ETV1: variants seen among roughly 807,000 people sequenced by gnomAD.
ETV1 encodes the protein ETS variant transcription factor 1.
ETV1 carries 27 observed loss-of-function variants against 62.3 expected under a neutral mutation model. That is an observed-to-expected ratio of 0.43 (90% CI 0.32 to 0.60). The LOEUF is 0.60. Ranked by LOEUF, ETV1 falls within the 20% of genes least tolerant of loss-of-function variation. The pLI, the probability that ETV1 is intolerant of heterozygous loss-of-function variation, is 0.06. For missense variants in ETV1, 605 were observed against 605.8 expected (o/e 1.00, Z 0.01); for synonymous variants, 222 against 199.6 (o/e 1.11, Z -0.94).
chr7:13,908,443 A>G (rs113628256), intron 11 of ETV1, among the ~76,000 whole-genome samples: 6 of 152,186 alleles, frequency 3.9e-5, no homozygotes, highest in African/African-American at 1.2e-4. Context: ...AAGAGGCTTT[A>G]TATACTTTGT....
intron 6 of ETV1, among the ~76,000 whole-genome samples, chr7:13,956,228 A>T (rs1175773508): frequency 1.3e-5 from 2 of 152,186 alleles, no homozygotes; most frequent in African/African-American, 2.4e-5. Context: ...CACCCTATTT[A>T]TAATAATCCA....
chr7:13,916,930 CAAA>C (rs112923173), intron 9 of ETV1, among the ~76,000 whole-genome samples: 5 of 129,312 alleles, frequency 3.9e-5, no homozygotes, highest in Admixed American at 7.8e-5. Context: ...AGACCTTGTC[CAAA>C]AAAAAAAAAA....
chr7:13,975,798 A>G (rs189481782), intron 6 of ETV1, among the ~76,000 whole-genome samples: 31 of 152,288 alleles, frequency 2.0e-4, no homozygotes, highest in African/African-American at 6.7e-4. Flanking sequence ...AAAGAGGTCA[A>G]ATAAGAAAAG....
intron 3 of ETV1, 69 bp from the exon 4 acceptor site, chr7:13,988,242 GCA>G (rs59844225): frequency 4.4e-3 from 3,085 of 707,614 alleles, no homozygotes; most frequent in South Asian, 7.4e-3. Flanking sequence ...ACACGCGCGC[GCA>G]CACACACACA....
intron 6 of ETV1, among the ~76,000 whole-genome samples, chr7:13,964,464 A>G (rs963027845): frequency 2.6e-5 from 4 of 152,126 alleles, no homozygotes; most frequent in African/African-American, 9.7e-5. Flanking sequence ...CATATTTCTA[A>G]TCAAAATTTA....
rs1473266296 is a variant in ETV1, at chr7:13,989,629, A to G, written c.-351T>C. On this transcript the variant is annotated 5_prime_UTR_variant, in exon 1 of 14. Transcript: ENST00000430479. The stretch of plus-strand genomic sequence containing the variant: ...CAAATTTAATAAAAACATTAATTAT[A>G]GCCCAGCACTTCCCCCTTGGAAGCC... 1.0e-5 allele frequency: 4 copies of G among 398,992 alleles called. No individual in the cohort carries two copies. The highest frequency in any genetic ancestry group is 1.8e-5 in the Non-Finnish European group (4 of 226,120). The allele number at this position is 398,992 out of a possible 1,614,324, so 24.7% of individuals were successfully genotyped here.
chr7:13,988,596 AAAAAAAAAAAAAAGAGAAAATGAG>A, intron 3 of ETV1: 3 of 280,868 alleles, frequency 1.1e-5, no homozygotes, highest in Non-Finnish European at 1.3e-5. Flanking sequence ...TAGAGAAATG[AAAAAAAAAAAAAAGAGAAAATGAG>A]AAAAAAAAAA....
chr7:13,911,376 G>A, intron 9 of ETV1, 69 bp from the exon 10 acceptor site: 1 of 1,040,480 alleles, frequency 9.6e-7, no homozygotes, highest in Non-Finnish European at 1.5e-6. Flanking sequence ...AATGGACAGG[G>A]TGCAGACAGA....
chr7:13,950,019 C>T (rs996196755), intron 6 of ETV1, among the ~76,000 whole-genome samples: 12 of 152,108 alleles, frequency 7.9e-5, no homozygotes, highest in African/African-American at 2.9e-4. Context: ...TTCGGCAACA[C>T]AGGGGAAAAG....
chr7:13,910,197 T>A (rs1349130224), intron 10 of ETV1, among the ~76,000 whole-genome samples: 1 of 150,430 alleles, frequency 6.6e-6, no homozygotes, highest in Non-Finnish European at 1.5e-5. Flanking sequence ...CTGTACTCAA[T>A]TAGCAAGATA....
chr7:13,904,067 A>C (rs1400555120), intron 12 of ETV1, among the ~76,000 whole-genome samples: 1 of 152,202 alleles, frequency 6.6e-6, no homozygotes, highest in Non-Finnish European at 1.5e-5. Context: ...GCTGCTAGGC[A>C]GTAGAGGGAA....
intron 12 of ETV1, among the ~76,000 whole-genome samples, chr7:13,904,983 G>C (rs1348019250): frequency 6.7e-6 from 1 of 148,522 alleles, no homozygotes; most frequent in Non-Finnish European, 1.5e-5. Context: ...TTCAAATACT[G>C]ACATTGAGTC....
At chr7:13,904,670 A>G (rs1317550816) in intron 12 of ETV1, among the ~76,000 whole-genome samples, 1 of 152,088 alleles carries the variant, frequency 6.6e-6, no homozygotes, top group Non-Finnish European at 1.5e-5. Flanking sequence ...AAGGGAAATA[A>G]CTGTTTAACT....
chr7:13,940,766 T>G (rs1420658252), intron 6 of ETV1, among the ~76,000 whole-genome samples: 4 of 152,242 alleles, frequency 2.6e-5, no homozygotes, highest in Admixed American at 1.3e-4. Context: ...TTAGCTTGAA[T>G]GTTATATATA....
chr7:13,937,213 G>A (rs1029322222), intron 7 of ETV1, among the ~76,000 whole-genome samples: 2 of 152,204 alleles, frequency 1.3e-5, no homozygotes, highest in Non-Finnish European at 2.9e-5. Flanking sequence ...AGGAATATAT[G>A]CTGCACAAGG....
At chr7:13,964,988 C>G (rs1790613775) in intron 6 of ETV1, among the ~76,000 whole-genome samples, 7 of 152,022 alleles carry the variant, frequency 4.6e-5, no homozygotes, top group Admixed American at 4.6e-4. Flanking sequence ...ATATTTACTA[C>G]TATAATGGGA....
At chr7:13,949,703 G>C (rs964732347) in intron 6 of ETV1, among the ~76,000 whole-genome samples, 1 of 152,126 alleles carries the variant, frequency 6.6e-6, no homozygotes, top group African/African-American at 2.4e-5. Flanking sequence ...TGTGAATTAT[G>C]TCTGTGACAA....
chr7:13,911,267 G>A lies in ETV1; in HGVS notation c.843C>T (p.Gly281=), dbSNP rs1258984073. Residue 281 remains glycine, a synonymous_variant, in exon 10 of 14, where the codon GGC becomes GGT. Transcript: ENST00000430479. Reference sequence around the variant, plus strand: ...CTGTTCTGCTGGGATGAGCCAGGAAGCCTTCTTGCCTCATATAAATGGAGT... The same window carrying A: ...CTGTTCTGCTGGGATGAGCCAGGAAACCTTCTTGCCTCATATAAATGGAGT... ...SCHSIYMRQE[G]FLAHPSRTEG... is the part of the protein sequence containing the mutation. 3.1e-6 allele frequency: 5 copies of A among 1,612,950 alleles called. No homozygotes were observed. Among genetic ancestry groups the A allele is most frequent in the Non-Finnish European group, 3.4e-6 (4 of 1,179,172 alleles).
At chr7:13,976,643 C>T (rs1318247191) in intron 6 of ETV1, among the ~76,000 whole-genome samples, 3 of 152,168 alleles carry the variant, frequency 2.0e-5, no homozygotes, top group African/African-American at 7.2e-5. Context: ...ATACCCTTTT[C>T]CTTAGTATTT....
Sources: allele counts gnomAD v4.1 joint callset (sites outside exome capture counted in the v4.1 genomes callset), GRCh38; gene constraint gnomAD v4.1.1; transcripts MANE v1.5; gene names NCBI Gene and HGNC (gene_info 2026-07-23, HGNC 2026-07-21).